TMEM117: variants seen among roughly 807,000 people sequenced by gnomAD.
TMEM117 encodes the protein transmembrane protein 117.
TMEM117 carries 27 observed loss-of-function variants against 52.4 expected under a neutral mutation model. The observed-to-expected ratio is 0.51, with a 90% CI of 0.38 to 0.71. TMEM117 has a LOEUF of 0.71. TMEM117 is among the 30% of genes least tolerant of loss of function. The probability of loss-of-function intolerance (pLI) is 0.00; values close to 1 mark genes in which losing one functional copy is unlikely to be tolerated. For synonymous variants in TMEM117, 215 were observed against 206.3 expected, an observed-to-expected ratio of 1.04 and a Z score of -0.36; for missense variants, 556 against 630.5, an observed-to-expected ratio of 0.88 and a Z score of 1.26.
At chr12:44,235,598 TTAAAGTC>T (rs2138464862) in intron 5 of TMEM117, among the ~76,000 whole-genome samples, 1 of 151,930 alleles carries the variant, frequency 6.6e-6, no homozygotes, top group Admixed American at 6.6e-5. Flanking sequence ...CCTTAACTTA[TTAAAGTC>T]TTACATTCAC....
At chr12:44,303,983 C>G (rs1700131313) in intron 6 of TMEM117, among the ~76,000 whole-genome samples, 2 of 152,142 alleles carry the variant, frequency 1.3e-5, no homozygotes, top group Non-Finnish European at 2.9e-5. Flanking sequence ...GATCGTCCCC[C>G]TATAGGAGCA....
At chr12:44,245,881 C>A (rs998670750) in intron 5 of TMEM117, among the ~76,000 whole-genome samples, 1 of 151,992 alleles carries the variant, frequency 6.6e-6, no homozygotes, top group Non-Finnish European at 1.5e-5. Context: ...TTGGAAATGA[C>A]CATTTAAAAG....
rs1952135492 is a variant in TMEM117 at position 44,389,006 on chromosome 12, CTG to C, written c.*336_*337del. 4.2e-6 allele frequency: 1 copy of C among 239,964 alleles called. No individual in the cohort carries two copies. The highest frequency in any genetic ancestry group is 7.6e-5 in the South Asian group (1 of 13,168). The allele number at this position is 239,964 out of a possible 1,614,324, so 14.9% of individuals were successfully genotyped here. On this transcript the variant is annotated 3_prime_UTR_variant, in exon 8 of 8. Transcript: ENST00000266534. Reference sequence around the variant, plus strand: ...CCTTGAGACATTAAACTGTTTTTAACTGTACCAGAAATGAAGTGTGGAACAGT... The same window carrying C: ...CCTTGAGACATTAAACTGTTTTTAACTACCAGAAATGAAGTGTGGAACAGT...
intron 2 of TMEM117, among the ~76,000 whole-genome samples, chr12:43,922,162 GTC>G (rs1555184742): frequency 6.6e-6 from 1 of 152,028 alleles, no homozygotes; most frequent in Non-Finnish European, 1.5e-5. Flanking sequence ...CACTTGTGTG[GTC>G]TCTCTTTCTG....
At chr12:44,126,901 A>C (rs1163557117) in intron 3 of TMEM117, among the ~76,000 whole-genome samples, 1 of 152,234 alleles carries the variant, frequency 6.6e-6, no homozygotes, top group Non-Finnish European at 1.5e-5. Flanking sequence ...TTCAAAAAGG[A>C]GCCAGAAGAA....
intron 3 of TMEM117, among the ~76,000 whole-genome samples, chr12:44,072,784 G>T (rs1592492613): frequency 1.3e-5 from 2 of 152,172 alleles, no homozygotes; most frequent in African/African-American, 4.8e-5. Flanking sequence ...ATGATTAAAA[G>T]AAGCGATTTA....
chr12:44,102,400 G>T (rs1947877401), intron 3 of TMEM117, among the ~76,000 whole-genome samples: 1 of 151,954 alleles, frequency 6.6e-6, no homozygotes, highest in Non-Finnish European at 1.5e-5. Flanking sequence ...AGTGAGTTAG[G>T]TGATTTCTTG....
intron 2 of TMEM117, among the ~76,000 whole-genome samples, chr12:43,911,917 AC>A (rs2137534146): frequency 7.0e-6 from 1 of 143,452 alleles, no homozygotes; most frequent in South Asian, 2.5e-4. Flanking sequence ...AACTAGTTCA[AC>A]CATTGTGGAA....
At chr12:44,177,156 T>C (rs1722747896) in intron 4 of TMEM117, among the ~76,000 whole-genome samples, 1 of 152,150 alleles carries the variant, frequency 6.6e-6, no homozygotes, top group Non-Finnish European at 1.5e-5. Context: ...GCAGTACCTA[T>C]CACTTCAGGA....
chr12:43,869,553 C>G lies in TMEM117; in HGVS notation c.277+24625C>G, dbSNP rs140793729. 2.6e-5 allele frequency among the ~76,000 whole-genome samples: 4 copies of G among 152,330 alleles called. No homozygotes were observed. The East Asian group carries it at 7.7e-4, about 29-fold the overall frequency. ...ATGGGAATATGCCTTTAAATGTGTACTCTGATGGCAGGAGCAATCAGTCAG... is the reference window on the plus strand; with the variant it reads ...ATGGGAATATGCCTTTAAATGTGTAGTCTGATGGCAGGAGCAATCAGTCAG... On this transcript the variant is annotated intron_variant, in intron 2 of 7. Coordinates refer to ENST00000266534, the MANE Select transcript of TMEM117 (RefSeq NM_032256.3).
chr12:44,118,616 C>A lies in TMEM117; in HGVS notation c.411-24909C>A, dbSNP rs553203933. On this transcript the variant is annotated intron_variant, in intron 3 of 7. Transcript: ENST00000266534. ...ATTGTATGTCATGTTATTGGCTTAT[C>A]CCTAAAACTTTAGTAGAAATTGGTG... Among the ~76,000 whole-genome samples, 6 of 152,240 alleles carry A rather than the reference C, an allele frequency of 3.9e-5. No homozygotes were observed. In the East Asian group the frequency reaches 1.2e-3, roughly 29 times the overall value.
chr12:44,074,130 T>C (rs981403824), intron 3 of TMEM117, among the ~76,000 whole-genome samples: 5 of 152,112 alleles, frequency 3.3e-5, no homozygotes, highest in African/African-American at 9.7e-5. Flanking sequence ...CAAATAAAAG[T>C]AACTTTTGAA....
chr12:44,140,530 A>G (rs1308640933), intron 3 of TMEM117, among the ~76,000 whole-genome samples: 1 of 152,108 alleles, frequency 6.6e-6, no homozygotes, highest in Non-Finnish European at 1.5e-5. Context: ...TTTCAGTGAT[A>G]GGAGCTTGTT....
intron 2 of TMEM117, among the ~76,000 whole-genome samples, chr12:43,907,054 A>G (rs1237637169): frequency 6.6e-6 from 1 of 152,210 alleles, no homozygotes; most frequent in Non-Finnish European, 1.5e-5. Flanking sequence ...GGCACAGACA[A>G]ACAAAAAGAC....
intron 3 of TMEM117, among the ~76,000 whole-genome samples, chr12:43,954,494 A>C (rs1945275883): frequency 6.6e-6 from 1 of 152,128 alleles, no homozygotes; most frequent in African/African-American, 2.4e-5. Flanking sequence ...AAATACAGAC[A>C]ACCCTCAGAG....
At chr12:44,380,208 G>A (rs1952000909) in intron 7 of TMEM117, among the ~76,000 whole-genome samples, 1 of 152,146 alleles carries the variant, frequency 6.6e-6, no homozygotes. Flanking sequence ...GGATGACCAG[G>A]GAGAAAGGCA....
At chr12:44,261,012 C>A (rs986155232) in intron 5 of TMEM117, among the ~76,000 whole-genome samples, 7 of 152,278 alleles carry the variant, frequency 4.6e-5, no homozygotes, top group African/African-American at 1.7e-4. Context: ...ATGTCCTTTA[C>A]AGGACATTAT....
At chr12:44,029,319 G>A (rs1216532917) in intron 3 of TMEM117, among the ~76,000 whole-genome samples, 1 of 152,142 alleles carries the variant, frequency 6.6e-6, no homozygotes, top group Non-Finnish European at 1.5e-5. Context: ...GATGTTAACT[G>A]CTATTCTCTT....
intron 3 of TMEM117, among the ~76,000 whole-genome samples, chr12:43,954,189 A>T (rs1945269938): frequency 6.6e-6 from 1 of 152,236 alleles, no homozygotes. Flanking sequence ...AAATGCCCAC[A>T]TGAAAAAGCT....
Sources: allele counts gnomAD v4.1 joint callset (sites outside exome capture counted in the v4.1 genomes callset), GRCh38; gene constraint gnomAD v4.1.1; transcripts MANE v1.5; gene names NCBI Gene and HGNC (gene_info 2026-07-23, HGNC 2026-07-21).